Variants in PCDHA7 observed in about 807,000 individuals in gnomAD.
PCDHA7 encodes protocadherin alpha 7.
PCDHA7 carries 37 observed loss-of-function variants against 57.2 expected under a neutral mutation model. The ratio of observed to expected loss-of-function variants is 0.65; its 90% confidence interval spans 0.50 to 0.85. PCDHA7 has a LOEUF of 0.85. Among genes scored for constraint, PCDHA7 ranks in the 40% least tolerant of loss-of-function variants. PCDHA7 has a pLI of 0.00. For missense variants in PCDHA7, 1,188 were observed against 1,241.8 expected, an observed-to-expected ratio of 0.96 and a Z score of 0.65; for synonymous variants, 553 against 558.8, an observed-to-expected ratio of 0.99 and a Z score of 0.15.
At chr5:140,876,602 G>C (rs572945874) in intron 1 of PCDHA7, 2 of 1,614,180 alleles carry the variant, frequency 1.2e-6, no homozygotes, top group Non-Finnish European at 1.7e-6. Flanking sequence ...GTGTCGGATC[G>C]TGACTCTGGA....
intron 1 of PCDHA7, among the ~76,000 whole-genome samples, chr5:140,938,340 T>A (rs1210571018): frequency 6.6e-6 from 1 of 152,224 alleles, no homozygotes; most frequent in Non-Finnish European, 1.5e-5. Flanking sequence ...TAATGGATAA[T>A]CTTGTCTTAT....
intron 1 of PCDHA7, chr5:140,841,800 C>T (rs2150322954): frequency 6.2e-7 from 1 of 1,613,890 alleles, no homozygotes. Context: ...GCGTCCGATG[C>T]AGATGTTGGA....
intron 1 of PCDHA7, chr5:140,883,589 G>A (rs782300348): frequency 1.9e-6 from 3 of 1,614,014 alleles, no homozygotes; most frequent in East Asian, 2.2e-5. Context: ...CACGGCCAGC[G>A]TGTCGGTGGG....
chr5:140,884,461 G>A (rs2060188157), intron 1 of PCDHA7: 3 of 1,613,646 alleles, frequency 1.9e-6, no homozygotes, highest in African/African-American at 1.3e-5. Flanking sequence ...CCGAGGGCGC[G>A]TGCGCGCCGG....
chr5:140,841,236 G>A (rs1171503163), intron 1 of PCDHA7: 2 of 1,481,194 alleles, frequency 1.4e-6, no homozygotes, highest in East Asian at 2.3e-5. Flanking sequence ...GGGAGATGCA[G>A]CGGAATTGGA....
rs1554231011 is a variant in PCDHA7 at position 140,968,738 on chromosome 5, C to G, written c.2356-10211C>G. 10 of 1,614,040 alleles carry G rather than the reference C, an allele frequency of 6.2e-6. No individual in the cohort carries two copies. The Admixed American group carries it at 6.7e-5, about 11-fold the overall frequency. On this transcript the variant is annotated intron_variant, in intron 1 of 3. Transcript: ENST00000525929. ...AGATGAGAGTGGTAGCACTTTCAAC[C>G]TGACCGTGGTGGTCCGAGATAATGG...
At chr5:140,883,190 C>G in intron 1 of PCDHA7, 1 of 1,613,818 alleles carries the variant, frequency 6.2e-7, no homozygotes, top group Non-Finnish European at 8.5e-7. Context: ...AAAAGGCAAA[C>G]TAGATTTCGA....
intron 1 of PCDHA7, among the ~76,000 whole-genome samples, chr5:140,961,280 C>G (rs246003): frequency 0.56 from 85,679 of 152,048 alleles, 24,751 homozygotes; most frequent in African/African-American, 0.69. Flanking sequence ...TACCATGGCT[C>G]TGTTTCTTGA....
At position 140,927,139 on chromosome 5, in the gene PCDHA7, C is replaced by G. The variant is rs782726149; in HGVS notation, c.2356-51810C>G. 6 of 1,613,928 alleles carry G rather than the reference C, an allele frequency of 3.7e-6. No homozygotes were observed. The Admixed American group carries it at 5.0e-5, about 13-fold the overall frequency. On this transcript the variant is annotated intron_variant, in intron 1 of 3. Coordinates refer to ENST00000525929, the MANE Select transcript of PCDHA7 (RefSeq NM_018910.3). Reference sequence around the variant, plus strand: ...TTTGGTGGTCAGAGAGCCGGCGGACCGCGAACAGCTGTGCAGGGCCAAAGC... The same window carrying G: ...TTTGGTGGTCAGAGAGCCGGCGGACGGCGAACAGCTGTGCAGGGCCAAAGC...
intron 1 of PCDHA7, chr5:140,968,932 A>C: frequency 6.2e-7 from 1 of 1,614,164 alleles, no homozygotes; most frequent in Non-Finnish European, 8.5e-7. Context: ...TTCTTTTGAC[A>C]ATCATCATTT....
intron 1 of PCDHA7, chr5:140,841,215 G>C: frequency 7.1e-7 from 1 of 1,415,722 alleles, no homozygotes; most frequent in African/African-American, 1.4e-5. Flanking sequence ...TGTCTCTAAA[G>C]GCCGAACAAC....
chr5:140,964,857 CAA>C (rs1352009406), intron 1 of PCDHA7, among the ~76,000 whole-genome samples: 5 of 152,088 alleles, frequency 3.3e-5, no homozygotes, highest in Admixed American at 3.3e-4. Context: ...CTTGAGGAAA[CAA>C]AGAGGACAAA....
rs191667063 is a variant in PCDHA7 at position 140,957,933 on chromosome 5, T to G, written c.2356-21016T>G. Among the ~76,000 whole-genome samples the G allele has an allele frequency of 2.8e-3, 419 of 152,208 alleles. 2 individuals carry two copies. The highest frequency in any genetic ancestry group is 0.014 in the Middle Eastern group (4 of 294). ...GTTATCTATGTATCAAGCTAAATAA[T>G]TTAAAGATCTTTAAGACTATTAATT... is the stretch of plus-strand genomic sequence containing the variant. On this transcript the variant is annotated intron_variant, in intron 1 of 3. Transcript: ENST00000525929.
intron 1 of PCDHA7, among the ~76,000 whole-genome samples, chr5:140,963,141 A>T (rs2095739692): frequency 6.6e-6 from 1 of 152,148 alleles, no homozygotes; most frequent in Non-Finnish European, 1.5e-5. Flanking sequence ...AATTATTTGG[A>T]TGAATTTAAA....
At chr5:141,007,395 C>CAAAAA (rs35800918) in intron 3 of PCDHA7, among the ~76,000 whole-genome samples, 20 of 94,830 alleles carry the variant, frequency 2.1e-4, no homozygotes, top group South Asian at 3.5e-4. Context: ...TACTAAAATA[C>CAAAAA]AAAAAAAAAA....
chr5:140,902,885 T>C (rs2069815301), intron 1 of PCDHA7, among the ~76,000 whole-genome samples: 1 of 152,238 alleles, frequency 6.6e-6, no homozygotes, highest in Admixed American at 6.5e-5. Context: ...CTGCAAAAGC[T>C]ATTATTTTAT....
At chr5:140,966,796 G>A (rs1255615650) in intron 1 of PCDHA7, 8 of 1,535,610 alleles carry the variant, frequency 5.2e-6, no homozygotes, top group African/African-American at 1.4e-5. Flanking sequence ...GACCTGCGGC[G>A]ACAGAGCATC....
Position 140,835,976 on chromosome 5 carries a change from G to T in PCDHA7, c.1593G>T (p.Leu531Phe). The part of the protein sequence containing the change: ...QPLDHEELEL[L>F]QFQVSARDAG... ...TGGACCACGAGGAGCTGGAGCTGTT[G>T]CAGTTCCAGGTGAGCGCGCGCGATG... Residue 531 changes from leucine to phenylalanine, a missense_variant, in exon 1 of 4, where the codon TTG (leucine) becomes TTT (phenylalanine). By Grantham distance (22) the Leu-to-Phe change is conservative. Coordinates refer to ENST00000525929, the MANE Select transcript of PCDHA7 (RefSeq NM_018910.3). 6.2e-7 allele frequency: 1 copy of T among 1,613,312 alleles called. No individual in the cohort carries two copies. Among genetic ancestry groups the T allele is most frequent in the Non-Finnish European group, 8.5e-7 (1 of 1,179,718 alleles).
chr5:140,862,898 CTG>C, intron 1 of PCDHA7: 2 of 555,934 alleles, frequency 3.6e-6, no homozygotes, highest in Non-Finnish European at 3.5e-6. Context: ...ACAACTTTGT[CTG>C]CGCTGCTGGC....
Sources: gnomAD v4.1 joint callset for allele counts (sites outside exome capture counted in the v4.1 genomes callset) on GRCh38, gnomAD v4.1.1 for gene constraint, MANE v1.5 for transcripts, NCBI Gene and HGNC (gene_info 2026-07-23, HGNC 2026-07-21) for gene names.